Variants in COG5 observed in about 807,000 individuals in gnomAD.
The protein encoded by COG5 is component of oligomeric golgi complex 5, also known as conserved oligomeric Golgi complex subunit 5.
COG5 carries 86 observed loss-of-function variants against 110.4 expected under a neutral mutation model. The ratio of observed to expected loss-of-function variants is 0.78; its 90% CI spans 0.65 to 0.93. The LOEUF is 0.93. Among genes scored for constraint, COG5 ranks in the 40% least tolerant of loss-of-function variants. The pLI, the probability that COG5 is intolerant of heterozygous loss-of-function variation, is 0.00. For synonymous variants in COG5, 360 were observed against 334.6 expected (o/e 1.08, Z -0.83); for missense variants, 1,077 against 987.0 (o/e 1.09, Z -1.22).
chr7:107,404,896 A>C (rs1226303239), intron 7 of COG5, among the ~76,000 whole-genome samples: 1 of 151,330 alleles, frequency 6.6e-6, no homozygotes, highest in Non-Finnish European at 1.5e-5. Flanking sequence ...AAAAAAAAAA[A>C]AAAAAAAAAA....
intron 6 of COG5, among the ~76,000 whole-genome samples, chr7:107,460,655 A>C (rs1409942951): frequency 6.6e-6 from 1 of 152,154 alleles, no homozygotes; most frequent in African/African-American, 2.4e-5. Flanking sequence ...TTGTTCATTA[A>C]GAACAAAGAA....
At position 107,203,372 on chromosome 7, in the gene COG5, A is replaced by G; in HGVS notation, c.*144T>C. The stretch of plus-strand genomic sequence containing the variant: ...TTATGCTAAAGTATAAGTGCTAAAG[A>G]GGTAAATAAACGTCGATAGGAAATA... On this transcript the variant is annotated 3_prime_UTR_variant, in exon 22 of 22. Coordinates refer to ENST00000297135, the MANE Select transcript of COG5 (RefSeq NM_006348.5). 1 of 697,504 alleles carries G rather than the reference A, an allele frequency of 1.4e-6. No individual in the cohort carries two copies. Among genetic ancestry groups the G allele is most frequent in the Non-Finnish European group, 2.6e-6 (1 of 382,776 alleles). 43.2% of individuals were successfully genotyped at this position (697,504 alleles called of 1,614,324 possible).
At chr7:107,431,118 C>T (rs1305355216) in intron 6 of COG5, among the ~76,000 whole-genome samples, 1 of 152,192 alleles carries the variant, frequency 6.6e-6, no homozygotes, top group Non-Finnish European at 1.5e-5. Context: ...ACTCATTTCA[C>T]ACTTCTAATC....
chr7:107,368,461 T>C (rs2129048625), intron 8 of COG5, among the ~76,000 whole-genome samples: 1 of 152,236 alleles, frequency 6.6e-6, no homozygotes, highest in African/African-American at 2.4e-5. Context: ...GAGGGGCTGG[T>C]TGTGATTGGT....
At position 107,379,220 on chromosome 7, in the gene COG5, C is replaced by T. The variant is rs920408348; in HGVS notation, c.670-6460G>A. Among the ~76,000 whole-genome samples the T allele has an allele frequency of 3.3e-5, 5 of 152,242 alleles. No individual in the cohort carries two copies. The East Asian group carries it at 5.8e-4, about 18-fold the overall frequency. ...AAAATCCTTTACAGACAAGCAAATG[C>T]TGAGAGATTTTGTCACCACCAGGCC... On this transcript the variant is annotated intron_variant, in intron 7 of 21. Transcript: ENST00000297135.
chr7:107,207,728 C>T (rs1798882914), intron 21 of COG5: 18 of 974,254 alleles, frequency 1.8e-5, no homozygotes, highest in Non-Finnish European at 2.0e-5. Flanking sequence ...ATACAACTGC[C>T]CCCATTTACA....
chr7:107,477,683 G>A (rs1252317036), intron 6 of COG5, among the ~76,000 whole-genome samples: 1 of 151,718 alleles, frequency 6.6e-6, no homozygotes, highest in African/African-American at 2.4e-5. Flanking sequence ...TTTTTAATGT[G>A]CTAAGTAGTA....
At chr7:107,344,430 A>C (rs1811426792) in intron 10 of COG5, among the ~76,000 whole-genome samples, 1 of 152,208 alleles carries the variant, frequency 6.6e-6, no homozygotes, top group Non-Finnish European at 1.5e-5. Flanking sequence ...ATTGCTCTTG[A>C]TTAGGCTTTA....
At chr7:107,216,210 A>T (rs1238140248) in intron 19 of COG5, among the ~76,000 whole-genome samples, 1 of 152,258 alleles carries the variant, frequency 6.6e-6, no homozygotes, top group Non-Finnish European at 1.5e-5. Context: ...TAACAACTGT[A>T]AATATATCTG....
intron 6 of COG5, among the ~76,000 whole-genome samples, chr7:107,524,149 G>GT (rs1800557605): frequency 6.6e-6 from 1 of 152,104 alleles, no homozygotes; most frequent in African/African-American, 2.4e-5. Context: ...TCAAATTTAC[G>GT]TAACATAAAA....
At chr7:107,504,733 T>C (rs1354333455) in intron 6 of COG5, among the ~76,000 whole-genome samples, 4 of 152,284 alleles carry the variant, frequency 2.6e-5, no homozygotes, top group South Asian at 4.1e-4. Context: ...CTAGGAGGGT[T>C]GTATGTTTCC....
intron 11 of COG5, among the ~76,000 whole-genome samples, chr7:107,304,118 A>C (rs1548524): frequency 0.17 from 25,312 of 152,180 alleles, 2,417 homozygotes; most frequent in Non-Finnish European, 0.22. Flanking sequence ...TTAAGAAAGT[A>C]TGCCTTTGAT....
chr7:107,559,580 TATC>T (rs1178658659), intron 1 of COG5, among the ~76,000 whole-genome samples: 1 of 152,210 alleles, frequency 6.6e-6, no homozygotes, highest in African/African-American at 2.4e-5. Context: ...TCAGCTGATG[TATC>T]ATTAGTATCA....
intron 6 of COG5, among the ~76,000 whole-genome samples, chr7:107,449,511 T>C (rs975157739): frequency 1.3e-5 from 2 of 152,372 alleles, no homozygotes; most frequent in East Asian, 3.9e-4. Flanking sequence ...CTCTCTCTAG[T>C]ATTGTGTTAT....
chr7:107,210,676 G>T, intron 20 of COG5, 71 bp from the exon 21 acceptor site: 2 of 1,476,916 alleles, frequency 1.4e-6, no homozygotes, highest in Non-Finnish European at 1.8e-6. Flanking sequence ...GTGCTGGTTC[G>T]AAAAGCACTC....
chr7:107,351,642 T>A (rs1812146690), intron 10 of COG5, among the ~76,000 whole-genome samples: 1 of 151,836 alleles, frequency 6.6e-6, no homozygotes, highest in Non-Finnish European at 1.5e-5. Context: ...CATCAAAAAG[T>A]GAGCAAAGGA....
At chr7:107,312,280 C>A (rs10215868) in intron 11 of COG5, among the ~76,000 whole-genome samples, 13,784 of 152,164 alleles carry the variant, frequency 0.091, 1,707 homozygotes, top group African/African-American at 0.28. Flanking sequence ...CTTTAGGGAT[C>A]CATCTCAACA....
intron 10 of COG5, among the ~76,000 whole-genome samples, chr7:107,352,068 A>G (rs1396230983): frequency 1.4e-5 from 2 of 147,110 alleles, no homozygotes; most frequent in Non-Finnish European, 3.0e-5. Flanking sequence ...CCAAATGTCC[A>G]ACAATGATAG....
At chr7:107,332,453 T>C (rs1015606049) in intron 10 of COG5, among the ~76,000 whole-genome samples, 10 of 152,136 alleles carry the variant, frequency 6.6e-5, no homozygotes, top group African/African-American at 1.9e-4. Context: ...TTGGGTTCTA[T>C]AGTTTGGTAT....
Sources: gnomAD v4.1 joint callset for allele counts (sites outside exome capture counted in the v4.1 genomes callset) on GRCh38, gnomAD v4.1.1 for gene constraint, MANE v1.5 for transcripts, NCBI Gene and HGNC (gene_info 2026-07-23, HGNC 2026-07-21) for gene names.